ZHX2: variants seen among roughly 807,000 people sequenced by gnomAD.
The protein encoded by ZHX2 is zinc fingers and homeoboxes 2.
ZHX2 carries 6 observed loss-of-function variants against 21.9 expected under a neutral mutation model. That is an observed-to-expected ratio of 0.27 (90% confidence interval 0.15 to 0.54). The LOEUF (loss-of-function observed/expected upper bound fraction) is 0.54, where lower values mean the gene tolerates loss of function less well. ZHX2 is among the 20% of genes least tolerant of loss of function. The probability of loss-of-function intolerance (pLI) is 0.95; values close to 1 mark genes in which losing one functional copy is unlikely to be tolerated. For missense variants in ZHX2, 908 were observed against 1,090.7 expected, an observed-to-expected ratio of 0.83 and a Z score of 2.36; for synonymous variants, 434 against 437.1, an observed-to-expected ratio of 0.99 and a Z score of 0.09.
In ZHX2 at chr8:122,953,152, T is replaced by A; in HGVS notation, c.1642T>A (p.Phe548Ile). 6.2e-7 allele frequency: 1 copy of A among 1,613,788 alleles called. No homozygotes were observed. The highest frequency in any genetic ancestry group is 1.1e-5 in the South Asian group (1 of 91,072). ...QGQVKILEDS[F>I]LKSSFPTQAE... ...TCAGGTTAAAATCTTGGAAGACAGC[T>A]TTTTGAAAAGTTCTTTTCCTACCCA... The change falls in exon 3 of 4, where the codon TTT becomes ATT. Residue 548 changes from phenylalanine to isoleucine, a missense_variant. Phe to Ile is a conservative substitution (Grantham distance 21). Around this residue, in one of 4 missense-constraint regions of ZHX2, gnomAD observed 431 missense variants for 428.6 expected, o/e 1.01. Coordinates refer to ENST00000314393, the MANE Select transcript of ZHX2 (RefSeq NM_014943.5). This position sits in a 1 kb window ranked among gnomAD's most constrained non-coding sequence, Gnocchi z 4.6.
intron 2 of ZHX2, among the ~76,000 whole-genome samples, chr8:122,907,060 G>A (rs368224146): frequency 1.8e-4 from 27 of 152,156 alleles, no homozygotes; most frequent in Middle Eastern, 3.2e-3. Flanking sequence ...AGGCCTATTC[G>A]ATCGCAGTGG....
intron 1 of ZHX2, among the ~76,000 whole-genome samples, chr8:122,852,141 G>A (rs1233623636): frequency 1.3e-5 from 2 of 152,054 alleles, no homozygotes; most frequent in Non-Finnish European, 2.9e-5. Context: ...CTAGAAATGG[G>A]GCATACAGGT....
At chr8:122,799,842 G>T (rs867334434) in intron 1 of ZHX2, among the ~76,000 whole-genome samples, 2 of 152,114 alleles carry the variant, frequency 1.3e-5, no homozygotes, top group African/African-American at 2.4e-5. Context: ...ATTTACATTT[G>T]CTTTTCTTTT....
intron 2 of ZHX2, among the ~76,000 whole-genome samples, chr8:122,896,046 G>T (rs1247529299): frequency 2.0e-5 from 3 of 152,044 alleles, no homozygotes; most frequent in Non-Finnish European, 2.9e-5. Flanking sequence ...CTGACAGGAG[G>T]GGCTGATGGC....
Position 122,953,690 on chromosome 8 carries a change from T to A in ZHX2, c.2180T>A (p.Val727Asp). 5 of 1,614,210 alleles carry A rather than the reference T, an allele frequency of 3.1e-6. No individual in the cohort carries two copies. Among genetic ancestry groups the A allele is most frequent in the Non-Finnish European group, 4.2e-6 (5 of 1,180,042 alleles). Residue 727 changes from valine (V) to aspartate (D), a missense_variant, in exon 3 of 4, where the codon GTT (valine) becomes GAT (aspartate). This residue lies in a region of ZHX2 where 431 missense variants were observed against 428.6 expected (regional missense o/e 1.01). Transcript: ENST00000314393. This position sits in a 1 kb window ranked among gnomAD's most constrained non-coding sequence, Gnocchi z 4.6. ...AESPKNGGDV[V>D]PQYYKDPKKL... Reference sequence around the variant, plus strand: ...AGCCCAAAGAACGGGGGTGATGTGGTTCCACAATATTACAAGGACCCCAAA... The same window carrying A: ...AGCCCAAAGAACGGGGGTGATGTGGATCCACAATATTACAAGGACCCCAAA...
At chr8:122,784,057 A>T (rs1229403201) in intron 1 of ZHX2, among the ~76,000 whole-genome samples, 1 of 152,222 alleles carries the variant, frequency 6.6e-6, no homozygotes, top group African/African-American at 2.4e-5. Flanking sequence ...AGCTATCTCA[A>T]CTAATGTCCA....
intron 2 of ZHX2, among the ~76,000 whole-genome samples, chr8:122,881,839 CA>C (rs1819720372): frequency 6.6e-6 from 1 of 152,226 alleles, no homozygotes; most frequent in Admixed American, 6.5e-5. Context: ...TAAATCAAGC[CA>C]CTGCGCGACT....
intron 2 of ZHX2, among the ~76,000 whole-genome samples, chr8:122,937,779 A>G (rs1812738702): frequency 6.6e-6 from 1 of 151,668 alleles, no homozygotes; most frequent in Non-Finnish European, 1.5e-5. Context: ...GCGTTTCACC[A>G]TGTTGGCTAG....
chr8:122,887,902 CAG>C, intron 2 of ZHX2, among the ~76,000 whole-genome samples: 1 of 152,076 alleles, frequency 6.6e-6, no homozygotes, highest in South Asian at 2.1e-4. Flanking sequence ...CAGGGCTCAT[CAG>C]GGGACAGTGT....
At chr8:122,852,565 A>T (rs1279835732) in intron 1 of ZHX2, among the ~76,000 whole-genome samples, 2 of 151,974 alleles carry the variant, frequency 1.3e-5, no homozygotes, top group African/African-American at 4.8e-5. Context: ...GTTCCTAACC[A>T]AACTGATTCC....
At chr8:122,945,625 C>T (rs1004351602) in intron 2 of ZHX2, among the ~76,000 whole-genome samples, 3 of 152,058 alleles carry the variant, frequency 2.0e-5, no homozygotes, top group Admixed American at 6.5e-5. Context: ...GCTCCAGGAT[C>T]GTTTCCATGT....
chr8:122,791,010 T>G (rs1192579803), intron 1 of ZHX2, among the ~76,000 whole-genome samples: 4 of 152,246 alleles, frequency 2.6e-5, no homozygotes, highest in Non-Finnish European at 5.9e-5. Flanking sequence ...TGTGCCACAC[T>G]GATGTTCATC....
intron 2 of ZHX2, among the ~76,000 whole-genome samples, chr8:122,914,691 C>T (rs1009239279): frequency 1.3e-5 from 2 of 152,258 alleles, no homozygotes; most frequent in African/African-American, 4.8e-5. Context: ...TAATAAATCT[C>T]ATGCGCTCAT....
chr8:122,937,684 A>G (rs1299676714), intron 2 of ZHX2, among the ~76,000 whole-genome samples: 2 of 150,918 alleles, frequency 1.3e-5, no homozygotes, highest in Admixed American at 1.3e-4. Context: ...GGCTCAAGCA[A>G]TTCTCCCGCC....
At chr8:122,854,871 G>A (rs1818992547) in intron 1 of ZHX2, among the ~76,000 whole-genome samples, 1 of 152,102 alleles carries the variant, frequency 6.6e-6, no homozygotes. Context: ...TTAAATACTT[G>A]TGTGTACATC....
chr8:122,969,017 C>T (rs528837009), intron 3 of ZHX2, among the ~76,000 whole-genome samples: 8 of 151,896 alleles, frequency 5.3e-5, no homozygotes, highest in Admixed American at 1.3e-4. Flanking sequence ...AAATTAGAGC[C>T]GGGTGTGGTG....
rs192693235 is a variant in ZHX2 at position 122,901,549 on chromosome 8, T to A, written c.-220+38010T>A. ...CTCACTTTCATTTTTCCCCTGGTGATCTTTGTTCTCTGGGAATCAAATCTC... is the reference window on the plus strand; with the variant it reads ...CTCACTTTCATTTTTCCCCTGGTGAACTTTGTTCTCTGGGAATCAAATCTC... On this transcript the variant is annotated intron_variant, in intron 2 of 3. Transcript: ENST00000314393. Among the ~76,000 whole-genome samples the A allele has an allele frequency of 8.5e-5, 13 of 152,338 alleles. No individual in the cohort carries two copies. In the East Asian group the frequency reaches 2.5e-3, roughly 29 times the overall value.
At chr8:122,938,175 C>T (rs148497918) in intron 2 of ZHX2, among the ~76,000 whole-genome samples, 3,171 of 151,944 alleles carry the variant, frequency 0.021, 112 homozygotes, top group African/African-American at 0.072. Flanking sequence ...CCTCGTGATC[C>T]GCCCACCTCG....
At chr8:122,947,053 C>T (rs374658482) in intron 2 of ZHX2, among the ~76,000 whole-genome samples, 8 of 134,840 alleles carry the variant, frequency 5.9e-5, no homozygotes, top group African/African-American at 1.4e-4. Flanking sequence ...CCCAGGAGTT[C>T]GAGACCAGCC....
Sources: allele counts gnomAD v4.1 joint callset (sites outside exome capture counted in the v4.1 genomes callset), GRCh38; gene constraint gnomAD v4.1.1; regional missense constraint gnomAD v4.1.1; non-coding constraint Gnocchi (gnomAD v3.1); transcripts MANE v1.5; gene names NCBI Gene and HGNC (gene_info 2026-07-23, HGNC 2026-07-21).